Variants in FBXL20 observed in about 807,000 individuals in gnomAD.
The protein encoded by FBXL20 is F-box/LRR-repeat protein 20.
A neutral mutation model predicts 64.0 loss-of-function variants in FBXL20; 11 were observed. The ratio of observed to expected loss-of-function variants is 0.17; its 90% CI spans 0.11 to 0.28. The LOEUF (loss-of-function observed/expected upper bound fraction) is 0.28. FBXL20 is among the 10% of genes least tolerant of loss of function. The pLI is 1.00. For missense variants in FBXL20, 303 were observed against 526.2 expected, an observed-to-expected ratio of 0.58 and a Z score of 4.15; for synonymous variants, 184 against 189.0, an observed-to-expected ratio of 0.97 and a Z score of 0.22.
intron 13 of FBXL20, 65 bp from the exon 14 acceptor site, chr17:39,264,452 T>G: frequency 6.5e-7 from 1 of 1,544,500 alleles, no homozygotes; most frequent in Non-Finnish European, 8.9e-7. Flanking sequence ...GCCAGAGGCT[T>G]GTGTGAATTG....
chr17:39,292,390 A>G (rs562700030), intron 6 of FBXL20, among the ~76,000 whole-genome samples: 20 of 150,092 alleles, frequency 1.3e-4, no homozygotes, highest in Non-Finnish European at 2.7e-4. Flanking sequence ...GTACTTATTT[A>G]CTTACTTTTT....
At chr17:39,328,673 C>T (rs2047432563) in intron 2 of FBXL20, among the ~76,000 whole-genome samples, 1 of 152,164 alleles carries the variant, frequency 6.6e-6, no homozygotes, top group Non-Finnish European at 1.5e-5. Flanking sequence ...TTTAGAAAAT[C>T]ACAATCATAT....
Position 39,264,337 on chromosome 17 carries a change from C to T in FBXL20, c.1041G>A (p.Gly347=). 2 of 1,614,026 alleles carry T rather than the reference C, an allele frequency of 1.2e-6. No individual in the cohort carries two copies. The highest frequency in any genetic ancestry group is 2.2e-5 in the South Asian group (2 of 91,076). The part of the protein sequence containing the change: ...LITDDGIRHL[G]NGACAHDQLE... ...GCTGGTCATGGGCGCAGGCCCCATT[C>T]CCCAGGTGACGAATTCCATCATCTG... The change falls in exon 14 of 15, where the codon GGG becomes GGA. Residue 347 remains glycine, a synonymous_variant. Transcript: ENST00000264658.
intron 1 of FBXL20, among the ~76,000 whole-genome samples, chr17:39,366,678 T>C (rs1346175861): frequency 6.6e-6 from 1 of 152,218 alleles, no homozygotes; most frequent in Non-Finnish European, 1.5e-5. Context: ...GAAAATCCTT[T>C]CCACTGAAGA....
chr17:39,276,342 G>A (rs940626498), intron 9 of FBXL20, among the ~76,000 whole-genome samples: 3 of 148,794 alleles, frequency 2.0e-5, no homozygotes, highest in African/African-American at 4.9e-5. Context: ...GGAAGGGAAG[G>A]AAGAGAAGAA....
At chr17:39,366,875 A>C (rs961882048) in intron 1 of FBXL20, among the ~76,000 whole-genome samples, 1 of 140,452 alleles carries the variant, frequency 7.1e-6, no homozygotes, top group Non-Finnish European at 1.5e-5. Flanking sequence ...TTATTATTCT[A>C]TCAGTCCTTT....
intron 1 of FBXL20, among the ~76,000 whole-genome samples, chr17:39,378,373 C>T (rs909444559): frequency 2.0e-5 from 3 of 152,130 alleles, no homozygotes; most frequent in East Asian, 3.9e-4. Flanking sequence ...ACTTGAGAGG[C>T]GTAGGCAGGA....
At chr17:39,312,739 A>ATT (rs1351191107) in intron 2 of FBXL20, among the ~76,000 whole-genome samples, 1 of 106,736 alleles carries the variant, frequency 9.4e-6, no homozygotes, top group African/African-American at 5.8e-5. Context: ...ACGCCTGGCT[A>ATT]ATTTTTTTTT....
At chr17:39,331,531 T>G (rs962151238) in intron 2 of FBXL20, among the ~76,000 whole-genome samples, 1 of 152,216 alleles carries the variant, frequency 6.6e-6, no homozygotes, top group African/African-American at 2.4e-5. Context: ...ATTGCTATAA[T>G]GCCCTAGGCA....
Position 39,253,017 on chromosome 17 carries a change from TCA to T in FBXL20, c.*8441_*8442del, listed in dbSNP as rs957484129. 1 of 152,370 alleles carries T rather than the reference TCA, an allele frequency of 6.6e-6. No individual in the cohort carries two copies. Among genetic ancestry groups the T allele is most frequent in the African/African-American group, 2.4e-5 (1 of 41,432 alleles). 9.4% of individuals were successfully genotyped at this position (152,370 alleles called of 1,614,324 possible). A position where few individuals can be genotyped will look rare whatever the true frequency, so the allele number is the denominator to read the frequency against. ...TGGAGAAACAAGCAAGCAGCAGCTC[TCA>T]CACACTGCAGCACTCCAGGGTAGGC... On this transcript the variant is annotated 3_prime_UTR_variant, in exon 15 of 15. Coordinates refer to ENST00000264658, the MANE Select transcript of FBXL20 (RefSeq NM_032875.3).
intron 2 of FBXL20, among the ~76,000 whole-genome samples, chr17:39,320,302 G>C (rs989167984): frequency 9.9e-5 from 15 of 151,954 alleles, no homozygotes; most frequent in Non-Finnish European, 1.9e-4. Flanking sequence ...TATGTTTATA[G>C]CTACTTTAAA....
At chr17:39,354,800 A>G (rs2047720097) in intron 1 of FBXL20, among the ~76,000 whole-genome samples, 1 of 152,252 alleles carries the variant, frequency 6.6e-6, no homozygotes, top group Admixed American at 6.5e-5. Context: ...GCACAGCAAT[A>G]GACAGACTGA....
At chr17:39,297,296 A>T (rs577390434) in intron 5 of FBXL20, 101 bp from the exon 6 acceptor site, 1 of 667,814 alleles carries the variant, frequency 1.5e-6, no homozygotes, top group South Asian at 2.1e-5. Flanking sequence ...TTGATTGTTG[A>T]TATCTGTGAT....
upstream of FBXL20, chr17:39,402,216 G>A: frequency 8.1e-7 from 1 of 1,232,128 alleles, no homozygotes. Context: ...CCTGCTCGGA[G>A]CCATTTTCCT....
chr17:39,346,215 G>T (rs1210369710), intron 1 of FBXL20, among the ~76,000 whole-genome samples: 1 of 151,944 alleles, frequency 6.6e-6, no homozygotes, highest in Non-Finnish European at 1.5e-5. Context: ...TACACCTGTA[G>T]TCCCAGCTAT....
Position 39,261,249 on chromosome 17 carries a change from CA to C in FBXL20, c.*210del. 1 of 477,752 alleles carries C rather than the reference CA, an allele frequency of 2.1e-6. No homozygotes were observed. The highest frequency in any genetic ancestry group is 3.8e-6 in the Non-Finnish European group (1 of 264,624). The allele number at this position is 477,752 out of a possible 1,614,324, so 29.6% of individuals were successfully genotyped here. ...AATCTACTTGATAAAAAAGCCATCACAAACTTCAGTCCCATGGTCACAAAGC... is the reference window on the plus strand; with the variant it reads ...AATCTACTTGATAAAAAAGCCATCACAACTTCAGTCCCATGGTCACAAAGC... On this transcript the variant is annotated 3_prime_UTR_variant, in exon 15 of 15. Coordinates refer to ENST00000264658, the MANE Select transcript of FBXL20 (RefSeq NM_032875.3).
chr17:39,303,781 G>A, intron 2 of FBXL20, 142 bp from the exon 3 acceptor site: 1 of 597,114 alleles, frequency 1.7e-6, no homozygotes, highest in Non-Finnish European at 2.8e-6. Context: ...TGACTTCCTG[G>A]GGTCAGGTGA....
At chr17:39,354,477 C>T (rs980155112) in intron 1 of FBXL20, among the ~76,000 whole-genome samples, 1 of 152,170 alleles carries the variant, frequency 6.6e-6, no homozygotes, top group African/African-American at 2.4e-5. Context: ...CTCAGAATAC[C>T]AGTCCTACGT....
rs1174366972 is a variant in FBXL20, at chr17:39,259,258, G to GT, written c.*2201dup. The GT allele has an allele frequency of 6.6e-6, 1 of 152,006 alleles. No individual in the cohort carries two copies. Among genetic ancestry groups the GT allele is most frequent in the Non-Finnish European group, 1.5e-5 (1 of 68,032 alleles). The allele number at this position is 152,006 out of a possible 1,614,324, so 9.4% of individuals were successfully genotyped here. A position where few individuals can be genotyped will look rare whatever the true frequency, so the allele number is the denominator to read the frequency against. The stretch of plus-strand genomic sequence containing the variant: ...GTGGGAGGAAGGCTTGAGCCCAGGA[G>GT]TTTGAGTCCAGGCTGGGCAAGATAG... On this transcript the variant is annotated 3_prime_UTR_variant, in exon 15 of 15. Coordinates refer to ENST00000264658, the MANE Select transcript of FBXL20 (RefSeq NM_032875.3).
Sources: allele counts gnomAD v4.1 joint callset (sites outside exome capture counted in the v4.1 genomes callset), GRCh38; gene constraint gnomAD v4.1.1; transcripts MANE v1.5; gene names NCBI Gene and HGNC (gene_info 2026-07-23, HGNC 2026-07-21).